The following NBEA variants were observed in gnomAD, a reference collection of about 807,000 sequenced individuals.
NBEA encodes the protein lysosomal-trafficking regulator 2.
NBEA carries 44 observed loss-of-function variants against 343.4 expected under a neutral mutation model. That is an observed-to-expected ratio of 0.13 (90% CI 0.10 to 0.16). The LOEUF (loss-of-function observed/expected upper bound fraction) is 0.16. NBEA is among the 10% of genes least tolerant of loss of function. The pLI, the probability that NBEA is intolerant of heterozygous loss-of-function variation, is 1.00. For missense variants in NBEA, 2,555 were observed against 3,631.3 expected (o/e 0.70, Z 7.62); for synonymous variants, 1,175 against 1,238.7 (o/e 0.95, Z 1.08).
intron 10 of NBEA, among the ~76,000 whole-genome samples, chr13:35,084,334 C>T (rs1454979981): frequency 6.6e-6 from 1 of 152,062 alleles, no homozygotes; most frequent in Non-Finnish European, 1.5e-5. Context: ...AAGTAAAGCA[C>T]TCCTCAGCAA....
intron 38 of NBEA, among the ~76,000 whole-genome samples, chr13:35,383,457 C>T (rs1359253321): frequency 6.6e-6 from 1 of 151,990 alleles, no homozygotes; most frequent in Non-Finnish European, 1.5e-5. Flanking sequence ...GTTTTGCATA[C>T]CCAGGGGAAT....
At chr13:35,184,571 A>T (rs2071554813) in intron 30 of NBEA, among the ~76,000 whole-genome samples, 1 of 152,070 alleles carries the variant, frequency 6.6e-6, no homozygotes, top group African/African-American at 2.4e-5. Context: ...AAGAAGGAGA[A>T]AAATGTGATG....
chr13:35,269,443 C>T (rs1443389419), intron 34 of NBEA, among the ~76,000 whole-genome samples: 1 of 152,078 alleles, frequency 6.6e-6, no homozygotes, highest in Non-Finnish European at 1.5e-5. Flanking sequence ...AATATTCTAA[C>T]TAGTACAGTA....
chr13:35,098,195 T>C, intron 10 of NBEA, 102 bp from the exon 11 acceptor site: 1 of 738,712 alleles, frequency 1.4e-6, no homozygotes, highest in Non-Finnish European at 2.2e-6. Context: ...AGAGATGAGA[T>C]TTGAATATGG....
chr13:35,582,521 A>G (rs2081101901), intron 45 of NBEA, among the ~76,000 whole-genome samples: 1 of 152,108 alleles, frequency 6.6e-6, no homozygotes, highest in African/African-American at 2.4e-5. Context: ...AAACCTTAGA[A>G]CTTTTTAAAA....
intron 1 of NBEA, among the ~76,000 whole-genome samples, chr13:35,004,868 T>G (rs552910581): frequency 2.6e-4 from 40 of 152,200 alleles, no homozygotes; most frequent in Non-Finnish European, 5.1e-4. Context: ...ATTTCCAAAG[T>G]AGACATAATG....
At chr13:34,953,893 A>T (rs73488156) in intron 1 of NBEA, among the ~76,000 whole-genome samples, 2,343 of 152,296 alleles carry the variant, frequency 0.015, 65 homozygotes, top group African/African-American at 0.054. Flanking sequence ...TAGATTCTCA[A>T]AGGAGAGCAA....
intron 18 of NBEA, among the ~76,000 whole-genome samples, chr13:35,155,418 G>T (rs1157725649): frequency 6.6e-6 from 1 of 152,108 alleles, no homozygotes; most frequent in East Asian, 1.9e-4. Flanking sequence ...GAGGTCAGGA[G>T]TTCGAGACCA....
chr13:35,424,829 C>T (rs2152926042), intron 38 of NBEA, among the ~76,000 whole-genome samples: 1 of 152,130 alleles, frequency 6.6e-6, no homozygotes, highest in South Asian at 2.1e-4. Flanking sequence ...AATTTCAGAG[C>T]CTGTTGTAGG....
intron 44 of NBEA, among the ~76,000 whole-genome samples, chr13:35,559,254 T>G (rs190019623): frequency 6.6e-6 from 1 of 152,274 alleles, no homozygotes; most frequent in Admixed American, 6.5e-5. Flanking sequence ...TCTCTTCTTA[T>G]CAAATCACCC....
In NBEA at chr13:34,943,007, C is replaced by T. The variant is rs1224976825; in HGVS notation, c.187C>T (p.Pro63Ser). 6.2e-7 allele frequency: 1 copy of T among 1,612,084 alleles called. No homozygotes were observed. Among genetic ancestry groups the T allele is most frequent in the East Asian group, 2.2e-5 (1 of 44,524 alleles). The change falls in exon 1 of 59, where the codon CCT (proline) becomes TCT (serine). Residue 63 changes from proline (P) to serine (S), a missense_variant. Physicochemically the swap from Pro to Ser is moderately conservative, Grantham distance 74. Coordinates refer to ENST00000379939, the MANE Select transcript of NBEA (RefSeq NM_001385012.1). The stretch of plus-strand genomic sequence containing the variant: ...GATGCTCCCCGCGGGGATGATTAAC[C>T]CTTCGGTGCCGATCCGCAACATCCG... Reference protein sequence around the residue: ...SVMLPAGMINPSVPIRNIRMK... With the variant: ...SVMLPAGMINSSVPIRNIRMK...
At chr13:35,184,489 G>A (rs1428827589) in intron 30 of NBEA, among the ~76,000 whole-genome samples, 1 of 151,578 alleles carries the variant, frequency 6.6e-6, no homozygotes, top group Non-Finnish European at 1.5e-5. Context: ...CACTGTAAAG[G>A]AATGCGAAAA....
intron 44 of NBEA, among the ~76,000 whole-genome samples, chr13:35,556,010 G>T (rs2079556045): frequency 6.6e-6 from 1 of 151,844 alleles, no homozygotes; most frequent in Non-Finnish European, 1.5e-5. Flanking sequence ...ATATAGATAT[G>T]TATTAAATAG....
intron 38 of NBEA, among the ~76,000 whole-genome samples, chr13:35,368,903 C>T (rs1451409122): frequency 6.6e-6 from 1 of 151,424 alleles, no homozygotes; most frequent in Non-Finnish European, 1.5e-5. Context: ...TTTTTTCTTT[C>T]AGATGCTAAG....
chr13:35,047,904 A>G (rs972490021), intron 4 of NBEA, among the ~76,000 whole-genome samples: 2 of 151,778 alleles, frequency 1.3e-5, no homozygotes, highest in African/African-American at 2.4e-5. Context: ...ATAATCAGCT[A>G]CTTTCTTATT....
rs559943798 is a variant in NBEA, at chr13:35,561,294, T to C, written c.6923-5611T>C. ...GGATGTTGTGATCTATTATGTAAATTCACTAGAATTACTGGACGAGGGATT... is the reference window on the plus strand; with the variant it reads ...GGATGTTGTGATCTATTATGTAAATCCACTAGAATTACTGGACGAGGGATT... On this transcript the variant is annotated intron_variant, in intron 44 of 58. Coordinates refer to ENST00000379939, the MANE Select transcript of NBEA (RefSeq NM_001385012.1). 5.9e-5 allele frequency among the ~76,000 whole-genome samples: 9 copies of C among 152,134 alleles called. No individual in the cohort carries two copies. The South Asian group carries it at 1.9e-3, about 32-fold the overall frequency.
At chr13:35,505,209 T>G (rs975966329) in intron 41 of NBEA, among the ~76,000 whole-genome samples, 1 of 152,174 alleles carries the variant, frequency 6.6e-6, no homozygotes, top group Non-Finnish European at 1.5e-5. Context: ...AATCCAACAT[T>G]GAGGTAAAAA....
chr13:35,492,806 G>A (rs539433472), intron 41 of NBEA, among the ~76,000 whole-genome samples: 6 of 151,840 alleles, frequency 4.0e-5, no homozygotes, highest in Non-Finnish European at 5.9e-5. Context: ...AAAGCACTGG[G>A]ACTGAGGTAA....
At chr13:35,038,634 C>T (rs1453708448) in intron 1 of NBEA, among the ~76,000 whole-genome samples, 1 of 152,048 alleles carries the variant, frequency 6.6e-6, no homozygotes, top group Non-Finnish European at 1.5e-5. Context: ...TTCCTTCTGG[C>T]CCAGGGTGTA....
Sources: allele counts gnomAD v4.1 joint callset (sites outside exome capture counted in the v4.1 genomes callset), GRCh38; gene constraint gnomAD v4.1.1; transcripts MANE v1.5; gene names NCBI Gene and HGNC (gene_info 2026-07-23, HGNC 2026-07-21).